PPP3CA: variants seen among roughly 807,000 people sequenced by gnomAD.
PPP3CA encodes the protein protein phosphatase 3 catalytic subunit alpha, also known as CAM-PRP catalytic subunit.
A neutral mutation model predicts 66.5 loss-of-function variants in PPP3CA; 14 were observed. The ratio of observed to expected loss-of-function variants is 0.21; its 90% confidence interval spans 0.14 to 0.33. The LOEUF (loss-of-function observed/expected upper bound fraction) is 0.33. PPP3CA is among the 10% of genes least tolerant of loss of function. PPP3CA has a pLI of 1.00. For missense variants in PPP3CA, 317 were observed against 639.5 expected (o/e 0.50, Z 5.44); for synonymous variants, 232 against 226.2 (o/e 1.03, Z -0.23).
chr4:101,032,419 A>G, intron 11 of PPP3CA, 55 bp from the exon 12 acceptor site: 1 of 1,460,018 alleles, frequency 6.8e-7, no homozygotes, highest in South Asian at 1.2e-5. Context: ...GTGAAAAAGA[A>G]AGAAATGACT....
At chr4:101,054,875 T>C (rs1469323211) in intron 10 of PPP3CA, among the ~76,000 whole-genome samples, 1 of 152,150 alleles carries the variant, frequency 6.6e-6, no homozygotes, top group Non-Finnish European at 1.5e-5. Context: ...TGGTTTGCTC[T>C]TTAGATAAAA....
chr4:101,231,098 T>G (rs1440180802), intron 1 of PPP3CA, among the ~76,000 whole-genome samples: 3 of 151,710 alleles, frequency 2.0e-5, no homozygotes, highest in Non-Finnish European at 4.4e-5. Flanking sequence ...TCCTTCAGAA[T>G]GCTCTTTTTG....
chr4:101,340,791 C>A (rs1729789336), intron 1 of PPP3CA, among the ~76,000 whole-genome samples: 1 of 152,090 alleles, frequency 6.6e-6, no homozygotes, highest in Non-Finnish European at 1.5e-5. Context: ...TTCACCTGAG[C>A]CTGCTCTAGA....
chr4:101,052,815 T>TA (rs1389679643), intron 10 of PPP3CA, among the ~76,000 whole-genome samples: 3 of 152,184 alleles, frequency 2.0e-5, no homozygotes, highest in Non-Finnish European at 2.9e-5. Flanking sequence ...CCACATTTTC[T>TA]AAAACATCAA....
intron 1 of PPP3CA, among the ~76,000 whole-genome samples, chr4:101,327,833 A>G (rs1014744907): frequency 2.0e-5 from 3 of 152,198 alleles, no homozygotes; most frequent in Admixed American, 2.0e-4. Flanking sequence ...ATTTCAATAA[A>G]TATATATTAA....
At chr4:101,314,569 CA>C (rs748980814) in intron 1 of PPP3CA, among the ~76,000 whole-genome samples, 517 of 75,252 alleles carry the variant, frequency 6.9e-3, no homozygotes, top group Middle Eastern at 0.054. Flanking sequence ...ATCTCAAAAC[CA>C]AAAAAAAAAA....
At chr4:101,066,978 G>C (rs992563153) in intron 8 of PPP3CA, among the ~76,000 whole-genome samples, 9 of 152,154 alleles carry the variant, frequency 5.9e-5, no homozygotes, top group African/African-American at 2.2e-4. Flanking sequence ...CTACTACCAA[G>C]GAGCTCCTTT....
chr4:101,065,672 T>C (rs1297496509), intron 8 of PPP3CA, among the ~76,000 whole-genome samples: 3 of 152,132 alleles, frequency 2.0e-5, no homozygotes, highest in Non-Finnish European at 2.9e-5. Flanking sequence ...CTTTCTTTCA[T>C]TCCCTGCTGT....
intron 11 of PPP3CA, among the ~76,000 whole-genome samples, chr4:101,038,233 G>A (rs916163787): frequency 5.9e-5 from 9 of 152,022 alleles, no homozygotes; most frequent in African/African-American, 2.2e-4. Flanking sequence ...CCCTGCCCTG[G>A]AATCCAGCCT....
intron 1 of PPP3CA, among the ~76,000 whole-genome samples, chr4:101,275,294 C>A (rs1727454741): frequency 6.6e-6 from 1 of 152,130 alleles, no homozygotes. Context: ...GTTGTCACTT[C>A]TCATAAAGCA....
At chr4:101,309,494 G>A (rs1728653243) in intron 1 of PPP3CA, among the ~76,000 whole-genome samples, 1 of 152,086 alleles carries the variant, frequency 6.6e-6, no homozygotes, top group South Asian at 2.1e-4. Context: ...GGGGGTGGTA[G>A]AGGGTGGGGA....
chr4:101,270,689 T>C (rs1469345510), intron 1 of PPP3CA, among the ~76,000 whole-genome samples: 1 of 152,198 alleles, frequency 6.6e-6, no homozygotes, highest in African/African-American at 2.4e-5. Context: ...ATACTTGCTT[T>C]GTTTAATCTG....
chr4:101,071,573 C>T (rs1430080605), intron 8 of PPP3CA, among the ~76,000 whole-genome samples: 3 of 152,284 alleles, frequency 2.0e-5, no homozygotes, highest in South Asian at 4.1e-4. Flanking sequence ...ACTATCAGGG[C>T]TATCAGACAA....
At chr4:101,324,306 A>G (rs901287434) in intron 1 of PPP3CA, among the ~76,000 whole-genome samples, 1 of 152,112 alleles carries the variant, frequency 6.6e-6, no homozygotes, top group African/African-American at 2.4e-5. Context: ...TAAGCAGCAG[A>G]GCCAGGATTC....
chr4:101,336,238 C>T (rs1578201841), intron 1 of PPP3CA, among the ~76,000 whole-genome samples: 1 of 148,320 alleles, frequency 6.7e-6, no homozygotes, highest in South Asian at 2.2e-4. Context: ...AAAAAGCAAA[C>T]AAAAACATGC....
intron 2 of PPP3CA, among the ~76,000 whole-genome samples, chr4:101,167,647 C>T (rs554100577): frequency 6.6e-6 from 1 of 152,096 alleles, no homozygotes; most frequent in Admixed American, 6.6e-5. Flanking sequence ...ATAACAAGCA[C>T]CTGGGAAGTG....
At position 101,256,033 on chromosome 4, in the gene PPP3CA, C is replaced by T. The variant is rs191791374; in HGVS notation, c.59-59917G>A. 1.2e-4 allele frequency among the ~76,000 whole-genome samples: 19 copies of T among 152,002 alleles called. No individual in the cohort carries two copies. The East Asian group carries it at 3.7e-3, about 29-fold the overall frequency. On this transcript the variant is annotated intron_variant, in intron 1 of 13. Transcript: ENST00000394854. The stretch of plus-strand genomic sequence containing the variant: ...GATAGTTAAAGTAATTGGTGGATTA[C>T]CAGTATCCCTAACAATTTATATTCT...
intron 10 of PPP3CA, among the ~76,000 whole-genome samples, chr4:101,042,454 A>G (rs1251979646): frequency 6.6e-6 from 1 of 152,112 alleles, no homozygotes. Flanking sequence ...AGGACTTATT[A>G]TTGCCAGCTA....
At chr4:101,129,915 G>A (rs1384911723) in intron 2 of PPP3CA, among the ~76,000 whole-genome samples, 2 of 152,112 alleles carry the variant, frequency 1.3e-5, no homozygotes, top group Non-Finnish European at 2.9e-5. Flanking sequence ...ATTGACAGAA[G>A]TAGGCTTCAG....
Sources: gnomAD v4.1 joint callset for allele counts (sites outside exome capture counted in the v4.1 genomes callset) on GRCh38, gnomAD v4.1.1 for gene constraint, MANE v1.5 for transcripts, NCBI Gene and HGNC (gene_info 2026-07-23, HGNC 2026-07-21) for gene names.